Variants in PDIA3 observed in about 807,000 individuals in gnomAD.
PDIA3 encodes protein disulfide isomerase family A member 3.
Under a neutral mutation model 56.9 loss-of-function variants are expected in PDIA3, and 16 were observed. The observed-to-expected ratio is 0.28, with a 90% CI of 0.19 to 0.43. PDIA3 has a LOEUF of 0.43. Among genes scored for constraint, PDIA3 ranks in the 20% least tolerant of loss-of-function variants. The pLI is 1.00. For missense variants in PDIA3, 485 were observed against 621.3 expected (o/e 0.78, Z 2.33); for synonymous variants, 192 against 216.5 (o/e 0.89, Z 0.99).
At chr15:43,750,446 A>G (rs896532822) in intron 1 of PDIA3, among the ~76,000 whole-genome samples, 1 of 151,856 alleles carries the variant, frequency 6.6e-6, no homozygotes, top group Non-Finnish European at 1.5e-5. Context: ...ATGTTTGGAA[A>G]TGTCCGAAAA....
intron 5 of PDIA3, 58 bp from the exon 6 acceptor site, chr15:43,765,392 G>T: frequency 1.1e-6 from 1 of 939,522 alleles, no homozygotes; most frequent in South Asian, 1.4e-5. Context: ...AAAAAAAAAA[G>T]ATGGGAGACA....
At chr15:43,762,347 A>G (rs1249210003) in intron 4 of PDIA3, among the ~76,000 whole-genome samples, 5 of 151,228 alleles carry the variant, frequency 3.3e-5, no homozygotes, top group South Asian at 2.1e-4. Context: ...CCCTGTCTCT[A>G]CTAAAAATAC....
At chr15:43,761,552 C>A (rs780050794) in intron 4 of PDIA3, 21 bp downstream of exon 4, 1 of 1,214,274 alleles carries the variant, frequency 8.2e-7, no homozygotes, top group South Asian at 1.3e-5. Flanking sequence ...AATATTAAAC[C>A]GTGCCACAGA....
intron 5 of PDIA3, among the ~76,000 whole-genome samples, chr15:43,764,268 G>T (rs539075366): frequency 1.0e-3 from 158 of 152,206 alleles, no homozygotes; most frequent in Non-Finnish European, 1.9e-3. Flanking sequence ...TGATTTGAAG[G>T]GGGAGTGGTG....
intron 6 of PDIA3, 96 bp downstream of exon 6, chr15:43,765,662 T>A: frequency 1.1e-6 from 1 of 927,928 alleles, no homozygotes. Flanking sequence ...GCGTAAACAG[T>A]CTATTTGGGG....
At chr15:43,769,371 A>T in intron 9 of PDIA3, 147 bp from the exon 10 acceptor site, 1 of 681,372 alleles carries the variant, frequency 1.5e-6, no homozygotes, top group Non-Finnish European at 2.5e-6. Flanking sequence ...CAACATCTTT[A>T]ATACAATCTG....
chr15:43,754,694 G>C (rs566479240), intron 2 of PDIA3, among the ~76,000 whole-genome samples: 4 of 149,268 alleles, frequency 2.7e-5, no homozygotes, highest in Non-Finnish European at 5.9e-5. Context: ...CTAGGTGACA[G>C]AGTAAGACCC....
rs528810735 is a variant in PDIA3 at position 43,771,290 on chromosome 15, G to C, written c.*72G>C. ...TGGGAAAACCATTGGGGAGGACTAGGACCCATATGGGAATTATTACCTCTC... is the reference window on the plus strand; with the variant it reads ...TGGGAAAACCATTGGGGAGGACTAGCACCCATATGGGAATTATTACCTCTC... On this transcript the variant is annotated 3_prime_UTR_variant, in exon 13 of 13. Coordinates refer to ENST00000300289, the MANE Select transcript of PDIA3 (RefSeq NM_005313.5). 4 of 904,010 alleles carry C rather than the reference G, an allele frequency of 4.4e-6. No individual in the cohort carries two copies. The African/African-American group carries it at 6.7e-5, about 15-fold the overall frequency. The allele number at this position is 904,010 out of a possible 1,614,324, so 56.0% of individuals were successfully genotyped here. A position where few individuals can be genotyped will look rare whatever the true frequency, so the allele number is the denominator to read the frequency against.
At chr15:43,757,827 A>T (rs2141649435) in intron 3 of PDIA3, among the ~76,000 whole-genome samples, 1 of 150,884 alleles carries the variant, frequency 6.6e-6, no homozygotes, top group South Asian at 2.1e-4. Context: ...GTGTCACAGC[A>T]CTCCAGCCTG....
intron 2 of PDIA3, among the ~76,000 whole-genome samples, 187 bp downstream of exon 2, chr15:43,754,089 G>A (rs2086761528): frequency 6.6e-6 from 1 of 152,182 alleles, no homozygotes; most frequent in South Asian, 2.1e-4. Context: ...CAACTGACTT[G>A]TAGTTTCAAA....
intron 4 of PDIA3, 133 bp from the exon 5 acceptor site, chr15:43,762,944 G>A: frequency 1.3e-6 from 1 of 791,764 alleles, no homozygotes; most frequent in Non-Finnish European, 2.0e-6. Flanking sequence ...GTCTGAGGTA[G>A]TCATGGCAAA....
chr15:43,770,174 T>C, intron 10 of PDIA3, 76 bp from the exon 11 acceptor site: 1 of 1,166,756 alleles, frequency 8.6e-7, no homozygotes, highest in South Asian at 1.3e-5. Flanking sequence ...GAGATTGTTT[T>C]AAGTCTTCAA....
intron 5 of PDIA3, among the ~76,000 whole-genome samples, chr15:43,764,841 G>A (rs1036238320): frequency 1.3e-5 from 2 of 152,110 alleles, no homozygotes; most frequent in Non-Finnish European, 2.9e-5. Context: ...AAGCCCAGAA[G>A]GATTAAATTG....
At chr15:43,749,751 G>A (rs1423742239) in intron 1 of PDIA3, among the ~76,000 whole-genome samples, 2 of 152,056 alleles carry the variant, frequency 1.3e-5, no homozygotes, top group East Asian at 3.9e-4. Flanking sequence ...ACCAGCCTGG[G>A]CAGCATGGCC....
At chr15:43,764,554 G>A (rs1350482702) in intron 5 of PDIA3, among the ~76,000 whole-genome samples, 2 of 151,994 alleles carry the variant, frequency 1.3e-5, no homozygotes, top group Non-Finnish European at 2.9e-5. Flanking sequence ...TACAACCTCC[G>A]CCTCCTGGGT....
Position 43,768,539 on chromosome 15 carries a change from A to G in PDIA3, c.1079A>G (p.Asn360Ser), listed in dbSNP as rs201439446. 3.1e-6 allele frequency: 5 copies of G among 1,613,968 alleles called. No homozygotes were observed. The highest frequency in any genetic ancestry group is 4.5e-5 in the East Asian group (2 of 44,880). ...ERFLQDYFDG[N>S]LKRYLKSEPI... ...TTCCTGCAGGATTACTTTGATGGCA[A>G]TCTGAAGAGATACCTGAAGTCTGAA... The change falls in exon 9 of 13, where the codon AAT becomes AGT. Residue 360 changes from asparagine to serine, a missense_variant. Asn to Ser is a conservative substitution (Grantham distance 46). Transcript: ENST00000300289.
chr15:43,771,232 C>T lies in PDIA3; in HGVS notation c.*14C>T, dbSNP rs1372941986. 9.2e-6 allele frequency: 14 copies of T among 1,516,482 alleles called. No homozygotes were observed. Among genetic ancestry groups the T allele is most frequent in the African/African-American group, 1.4e-5 (1 of 72,608 alleles). The allele number at this position is 1,516,482 out of a possible 1,614,324, so 93.9% of individuals were successfully genotyped here. Reference sequence around the variant, plus strand: ...GAGGATCTCTAAAGCAGTAGCCAAACACCACTTTGTAAAAGGACTCTTCCA... The same window carrying T: ...GAGGATCTCTAAAGCAGTAGCCAAATACCACTTTGTAAAAGGACTCTTCCA... On this transcript the variant is annotated 3_prime_UTR_variant, in exon 13 of 13. Coordinates refer to ENST00000300289, the MANE Select transcript of PDIA3 (RefSeq NM_005313.5).
chr15:43,756,364 T>C (rs1185144883), intron 2 of PDIA3, among the ~76,000 whole-genome samples: 6 of 152,208 alleles, frequency 3.9e-5, no homozygotes, highest in Non-Finnish European at 8.8e-5. Flanking sequence ...AGAAAAAAGA[T>C]GAAGACCACC....
At chr15:43,747,696 TCC>T in intron 1 of PDIA3, among the ~76,000 whole-genome samples, 1 of 152,260 alleles carries the variant, frequency 6.6e-6, no homozygotes, top group Non-Finnish European at 1.5e-5. Flanking sequence ...ATTTTTCCCC[TCC>T]TGGCACAGTG....
Sources: allele counts gnomAD v4.1 joint callset (sites outside exome capture counted in the v4.1 genomes callset), GRCh38; gene constraint gnomAD v4.1.1; transcripts MANE v1.5; gene names NCBI Gene and HGNC (gene_info 2026-07-23, HGNC 2026-07-21).